The following GREM2 variants were observed in gnomAD, a reference collection of about 807,000 sequenced individuals.
The protein encoded by GREM2 is gremlin 2, DAN family BMP antagonist, also known as gremlin-2.
Under a neutral mutation model 14.2 loss-of-function variants are expected in GREM2, and 11 were observed. The ratio of observed to expected loss-of-function variants is 0.78; its 90% CI spans 0.49 to 1.28. The LOEUF is 1.28. GREM2 is among the 50% of genes most tolerant of loss of function. The pLI, the probability that GREM2 is intolerant of heterozygous loss-of-function variation, is 0.00. For synonymous variants in GREM2, 98 were observed against 97.6 expected (o/e 1.00, Z -0.02); for missense variants, 210 against 218.5 (o/e 0.96, Z 0.24).
chr1:240,579,910 C>A (rs1184875432), intron 1 of GREM2, among the ~76,000 whole-genome samples: 1 of 152,202 alleles, frequency 6.6e-6, no homozygotes, highest in African/African-American at 2.4e-5. Context: ...GATTCTGTTT[C>A]TACCTTGGGC....
At chr1:240,597,779 A>T (rs1679849733) in intron 1 of GREM2, among the ~76,000 whole-genome samples, 1 of 152,156 alleles carries the variant, frequency 6.6e-6, no homozygotes, top group South Asian at 2.1e-4. Flanking sequence ...TCTTTGTTAG[A>T]TTTTTTAAAT....
chr1:240,577,031 A>T (rs1227683837), intron 1 of GREM2, among the ~76,000 whole-genome samples: 2 of 152,212 alleles, frequency 1.3e-5, no homozygotes, highest in African/African-American at 2.4e-5. Flanking sequence ...TGAGATTCAT[A>T]CTGGTAACAT....
At chr1:240,550,158 G>GA (rs1301280201) in intron 1 of GREM2, 2 of 152,242 alleles carry the variant, frequency 1.3e-5, no homozygotes, top group Non-Finnish European at 2.9e-5. Flanking sequence ...AAGTAGCTGG[G>GA]ATTACAAGCA....
At chr1:240,571,154 T>A (rs1394586903) in intron 1 of GREM2, among the ~76,000 whole-genome samples, 1 of 152,192 alleles carries the variant, frequency 6.6e-6, no homozygotes, top group East Asian at 1.9e-4. Context: ...ACTTCCAATT[T>A]TATTCCGTAA....
intron 1 of GREM2, among the ~76,000 whole-genome samples, chr1:240,561,361 T>C (rs1030497062): frequency 1.3e-5 from 2 of 152,156 alleles, no homozygotes; most frequent in African/African-American, 4.8e-5. Flanking sequence ...TGAAGGATTT[T>C]GTGTGGTAAG....
At chr1:240,600,230 C>G (rs75092395) in intron 1 of GREM2, among the ~76,000 whole-genome samples, 32,931 of 148,462 alleles carry the variant, frequency 0.22, 4,398 homozygotes, top group South Asian at 0.32. Context: ...AACGAGATTA[C>G]GTGTTTTCCT....
intron 1 of GREM2, among the ~76,000 whole-genome samples, chr1:240,556,065 G>A (rs999666962): frequency 1.3e-5 from 2 of 152,164 alleles, no homozygotes; most frequent in Non-Finnish European, 2.9e-5. Flanking sequence ...AATAATGAGA[G>A]ATTGATGTTA....
rs1678608362 is a variant in GREM2, at chr1:240,542,330, T to A, written c.-1-48854A>T. Reference sequence around the variant, plus strand: ...TTCTAAGGAGCTGAGCCGGGCACGGTGGCTCACGGCTCACGTCTAATCCCA... The same window carrying A: ...TTCTAAGGAGCTGAGCCGGGCACGGAGGCTCACGGCTCACGTCTAATCCCA... On this transcript the variant is annotated intron_variant, in intron 1 of 1. Transcript: ENST00000318160. The surrounding 1 kb of genome is among the most constrained non-coding windows in gnomAD (Gnocchi z 4.1). Among the ~76,000 whole-genome samples, 1 of 151,196 alleles carries A rather than the reference T, an allele frequency of 6.6e-6. No homozygotes were observed. Among genetic ancestry groups the A allele is most frequent in the Admixed American group, 6.6e-5 (1 of 15,114 alleles).
intron 1 of GREM2, among the ~76,000 whole-genome samples, chr1:240,564,521 AT>A (rs1175701997): frequency 5.4e-5 from 8 of 148,144 alleles, no homozygotes; most frequent in Non-Finnish European, 9.0e-5. Flanking sequence ...AAAAAAAAAA[AT>A]TAAAATAAAT....
At chr1:240,571,131 T>C (rs1679253706) in intron 1 of GREM2, among the ~76,000 whole-genome samples, 2 of 152,228 alleles carry the variant, frequency 1.3e-5, no homozygotes, top group South Asian at 4.1e-4. Flanking sequence ...GTTTTTCTAC[T>C]TCATGTAAAA....
chr1:240,589,674 C>T lies in GREM2; in HGVS notation c.-2+22210G>A, dbSNP rs181293903. Among the ~76,000 whole-genome samples the T allele has an allele frequency of 3.4e-4, 51 of 152,074 alleles. No homozygotes were observed. In the East Asian group the frequency reaches 4.1e-3, roughly 12 times the overall value. On this transcript the variant is annotated intron_variant, in intron 1 of 1. Coordinates refer to ENST00000318160, the MANE Select transcript of GREM2 (RefSeq NM_022469.4). ...ATCCCGTAGGAACAATGATCCTATG[C>T]GATCATAAACTGATCATTGCCACCT...
At chr1:240,569,836 T>C (rs886194193) in intron 1 of GREM2, among the ~76,000 whole-genome samples, 1 of 152,220 alleles carries the variant, frequency 6.6e-6, no homozygotes, top group African/African-American at 2.4e-5. Context: ...AAAAAATTGA[T>C]AAATTAGACT....
chr1:240,606,874 C>T (rs1257653392), intron 1 of GREM2, among the ~76,000 whole-genome samples: 1 of 151,924 alleles, frequency 6.6e-6, no homozygotes, highest in Non-Finnish European at 1.5e-5. Flanking sequence ...GACGGGATTT[C>T]ACCATGTTGG....
chr1:240,523,555 T>TTTG (rs968433986), intron 1 of GREM2, among the ~76,000 whole-genome samples: 3 of 152,192 alleles, frequency 2.0e-5, no homozygotes, highest in Non-Finnish European at 4.4e-5. Flanking sequence ...ACTGTTTTTT[T>TTTG]TTGTTGTTGT....
chr1:240,599,293 A>G (rs1230102144), intron 1 of GREM2, among the ~76,000 whole-genome samples: 2 of 151,556 alleles, frequency 1.3e-5, no homozygotes, highest in Admixed American at 1.3e-4. Context: ...ATACAACAAC[A>G]GTAAGTGAGG....
intron 1 of GREM2, among the ~76,000 whole-genome samples, chr1:240,563,013 T>TATGA (rs1679095165): frequency 1.3e-5 from 2 of 149,712 alleles, no homozygotes; most frequent in East Asian, 4.2e-4. Context: ...TGTGAGTGTA[T>TATGA]GTGTGTATGT....
intron 1 of GREM2, among the ~76,000 whole-genome samples, chr1:240,498,754 T>C (rs1357196295): frequency 6.6e-6 from 1 of 152,246 alleles, no homozygotes; most frequent in African/African-American, 2.4e-5. Flanking sequence ...TTGCCACCCC[T>C]GCCGGTAACG....
At chr1:240,496,788 T>C (rs2103271751) in intron 1 of GREM2, among the ~76,000 whole-genome samples, 1 of 152,120 alleles carries the variant, frequency 6.6e-6, no homozygotes, top group African/African-American at 2.4e-5. Context: ...GGTGGGCGGA[T>C]CCCCTGATGT....
At chr1:240,505,569 T>G (rs908504739) in intron 1 of GREM2, among the ~76,000 whole-genome samples, 1 of 152,128 alleles carries the variant, frequency 6.6e-6, no homozygotes, top group Non-Finnish European at 1.5e-5. Flanking sequence ...TTTGCCCTCT[T>G]TTTTCAGTGT....
Sources: gnomAD v4.1 joint callset for allele counts (sites outside exome capture counted in the v4.1 genomes callset) on GRCh38, gnomAD v4.1.1 for gene constraint, Gnocchi (gnomAD v3.1) non-coding constraint, MANE v1.5 for transcripts, NCBI Gene and HGNC (gene_info 2026-07-23, HGNC 2026-07-21) for gene names.